Variants in FCHO2 observed in about 807,000 individuals in gnomAD.
FCHO2 encodes the protein FCH and mu domain containing endocytic adaptor 2.
FCHO2 carries 43 observed loss-of-function variants against 114.1 expected under a neutral mutation model. That is an observed-to-expected ratio of 0.38 (90% CI 0.30 to 0.49). The LOEUF is 0.49. FCHO2 is among the 20% of genes least tolerant of loss of function. FCHO2 has a pLI of 0.97. For synonymous variants in FCHO2, 293 were observed against 315.2 expected (o/e 0.93, Z 0.75); for missense variants, 807 against 950.4 (o/e 0.85, Z 1.98).
Position 73,037,215 on chromosome 5 carries a change from T to C in FCHO2, c.914T>C (p.Val305Ala). ...IIKKEKDAES[V>A]ECPDADSLNI... ...AAAAAGGAAAAAGATGCAGAATCTGTGTAAGTATTTTAAATATCGTCAAAA... is the reference window on the plus strand; with the variant it reads ...AAAAAGGAAAAAGATGCAGAATCTGCGTAAGTATTTTAAATATCGTCAAAA... Residue 305 changes from valine to alanine, a missense_variant and splice_region_variant, in exon 10 of 26, where the codon GTG (valine) becomes GCG (alanine). By Grantham distance (64) the Val-to-Ala change is moderately conservative. Transcript: ENST00000430046. 6.3e-7 allele frequency: 1 copy of C among 1,583,642 alleles called. No homozygotes were observed. The highest frequency in any genetic ancestry group is 8.6e-7 in the Non-Finnish European group (1 of 1,166,712).
chr5:73,067,831 A>C (rs1742431654), intron 18 of FCHO2, among the ~76,000 whole-genome samples: 1 of 152,022 alleles, frequency 6.6e-6, no homozygotes, highest in South Asian at 2.1e-4. Flanking sequence ...CACCTCAGGA[A>C]GTGTTGCTAC....
At chr5:73,005,736 G>A (rs1754682696) in intron 5 of FCHO2, among the ~76,000 whole-genome samples, 1 of 151,856 alleles carries the variant, frequency 6.6e-6, no homozygotes, top group East Asian at 1.9e-4. Flanking sequence ...CTGTGGCTGT[G>A]TTACTTTATT....
At chr5:73,075,147 G>A (rs1174950815) in intron 20 of FCHO2, among the ~76,000 whole-genome samples, 7 of 151,982 alleles carry the variant, frequency 4.6e-5, no homozygotes, top group African/African-American at 1.7e-4. Context: ...TTATAGTGAG[G>A]GAAAACTAAA....
chr5:72,960,386 C>T (rs1344415734), intron 1 of FCHO2, among the ~76,000 whole-genome samples: 2 of 152,112 alleles, frequency 1.3e-5, no homozygotes, highest in East Asian at 1.9e-4. Context: ...AAGTATAGCA[C>T]CATTGATAAT....
chr5:73,021,191 G>C, intron 8 of FCHO2: 1 of 765,746 alleles, frequency 1.3e-6, no homozygotes, highest in Middle Eastern at 2.5e-4. Flanking sequence ...ACCGGCTGTA[G>C]AGCAAGTGAT....
At chr5:72,956,272 C>T in intron 1 of FCHO2, 143 bp downstream of exon 1, 2 of 1,158,212 alleles carry the variant, frequency 1.7e-6, no homozygotes, top group Non-Finnish European at 2.3e-6. Context: ...TGGGTGAGGT[C>T]CGGCGGGCGA....
intron 5 of FCHO2, among the ~76,000 whole-genome samples, chr5:72,997,952 G>A (rs1754215340): frequency 6.6e-6 from 1 of 152,132 alleles, no homozygotes. Flanking sequence ...ACCCGCCAGA[G>A]CCACAGATAT....
intron 18 of FCHO2, among the ~76,000 whole-genome samples, chr5:73,064,706 C>G (rs114778172): frequency 6.6e-6 from 1 of 151,984 alleles, no homozygotes. Context: ...TCTTTCTCCC[C>G]TTTTCAACCT....
intron 2 of FCHO2, among the ~76,000 whole-genome samples, chr5:72,980,850 A>G (rs1221356647): frequency 6.6e-6 from 1 of 152,086 alleles, no homozygotes; most frequent in East Asian, 1.9e-4. Context: ...TGCATGTGAG[A>G]TGGGTGTCCT....
At chr5:73,078,029 G>A in intron 21 of FCHO2, 151 bp from the exon 22 acceptor site, 1 of 508,200 alleles carries the variant, frequency 2.0e-6, no homozygotes, top group East Asian at 3.3e-5. Context: ...AGCTTCTCCT[G>A]TGTTCCATTC....
At chr5:73,049,904 A>G (rs1335613203) in intron 11 of FCHO2, among the ~76,000 whole-genome samples, 1 of 152,176 alleles carries the variant, frequency 6.6e-6, no homozygotes, top group Non-Finnish European at 1.5e-5. Flanking sequence ...ATACATATAC[A>G]TATACATATA....
Position 72,961,712 on chromosome 5 carries a change from A to G in FCHO2, c.33+5583A>G, listed in dbSNP as rs1251070996. ...CAGGTTCAAGCAATTCTCCTGCCTT[A>G]GCCTCCCTGGTAGCTGGGATTACCG... On this transcript the variant is annotated intron_variant, in intron 1 of 25. Coordinates refer to ENST00000430046, the MANE Select transcript of FCHO2 (RefSeq NM_138782.3). 2.0e-5 allele frequency among the ~76,000 whole-genome samples: 3 copies of G among 151,804 alleles called. 1 individual carries two copies. The highest frequency in any genetic ancestry group is 4.8e-5 in the African/African-American group (2 of 41,314).
intron 20 of FCHO2, among the ~76,000 whole-genome samples, chr5:73,075,512 T>G (rs979316993): frequency 6.6e-6 from 1 of 152,132 alleles, no homozygotes; most frequent in African/African-American, 2.4e-5. Flanking sequence ...GGTTAGGCAT[T>G]GTAGGCCATG....
intron 1 of FCHO2, among the ~76,000 whole-genome samples, chr5:72,962,268 A>T (rs571652310): frequency 2.6e-5 from 4 of 152,198 alleles, no homozygotes; most frequent in Non-Finnish European, 4.4e-5. Context: ...ATTTGAAAGG[A>T]TATAAATTTG....
chr5:73,008,092 G>A (rs1754814657), intron 6 of FCHO2, among the ~76,000 whole-genome samples: 2 of 152,170 alleles, frequency 1.3e-5, no homozygotes, highest in South Asian at 4.1e-4. Context: ...GATACACAAG[G>A]ACTAGGTTAC....
chr5:73,021,204 G>A, intron 8 of FCHO2: 1 of 754,088 alleles, frequency 1.3e-6, no homozygotes, highest in Non-Finnish European at 2.5e-6. Context: ...CAAGTGATTT[G>A]ACTGTGGGAA....
chr5:73,054,412 A>G (rs1757486581), intron 14 of FCHO2, 113 bp from the exon 15 acceptor site: 1 of 961,354 alleles, frequency 1.0e-6, no homozygotes, highest in Non-Finnish European at 1.6e-6. Flanking sequence ...TTTACAATTG[A>G]GCAGATATAC....
intron 19 of FCHO2, among the ~76,000 whole-genome samples, chr5:73,071,844 G>A (rs1742671537): frequency 6.6e-6 from 1 of 151,996 alleles, no homozygotes. Flanking sequence ...CAATGTTTCA[G>A]TAATGGCATA....
chr5:73,074,410 G>A (rs1279629418), intron 19 of FCHO2, among the ~76,000 whole-genome samples: 1 of 151,946 alleles, frequency 6.6e-6, no homozygotes, highest in Non-Finnish European at 1.5e-5. Flanking sequence ...AGAACCTGGA[G>A]GAATTTGGTA....
Sources: allele counts gnomAD v4.1 joint callset (sites outside exome capture counted in the v4.1 genomes callset), GRCh38; gene constraint gnomAD v4.1.1; transcripts MANE v1.5; gene names NCBI Gene and HGNC (gene_info 2026-07-23, HGNC 2026-07-21).